Variants in PCDHGA12 observed in about 807,000 individuals in gnomAD.
PCDHGA12 encodes protocadherin gamma-A12.
A neutral mutation model predicts 61.1 loss-of-function variants in PCDHGA12; 43 were observed. That is an observed-to-expected ratio of 0.70 (90% CI 0.55 to 0.91). PCDHGA12 has a LOEUF of 0.91. PCDHGA12 is among the 40% of genes least tolerant of loss of function. The probability of loss-of-function intolerance (pLI) is 0.00; values close to 1 mark genes in which losing one functional copy is unlikely to be tolerated. For synonymous variants in PCDHGA12, 520 were observed against 542.9 expected, an observed-to-expected ratio of 0.96 and a Z score of 0.59; for missense variants, 1,236 against 1,227.7, an observed-to-expected ratio of 1.01 and a Z score of -0.10.
chr5:141,451,408 T>C (rs1244686397), intron 1 of PCDHGA12, among the ~76,000 whole-genome samples: 1 of 152,204 alleles, frequency 6.6e-6, no homozygotes, highest in Non-Finnish European at 1.5e-5. Flanking sequence ...ATTAAGTTCC[T>C]TGTGGATTGT....
At chr5:141,510,335 AC>A (rs1247622083) in intron 3 of PCDHGA12, among the ~76,000 whole-genome samples, 1 of 149,138 alleles carries the variant, frequency 6.7e-6, no homozygotes, top group African/African-American at 2.5e-5. Context: ...CTTCACCCCC[AC>A]CCCACACACT....
At position 141,430,911 on chromosome 5, in the gene PCDHGA12, A is replaced by T. The variant is rs544678317; in HGVS notation, c.152A>T (p.Asp51Val). ...TCTAGGGTGGGCGACATCTCCAGGG[A>T]CCTGGGGCTGGAGCCCCGGGAGCTC... ...KGSRVGDISR[D>V]LGLEPRELAE... The change falls in exon 1 of 4, where the codon GAC (aspartate) becomes GTC (valine). Residue 51 changes from aspartate to valine, a missense_variant. By Grantham distance (152) the Asp-to-Val change is radical. Transcript: ENST00000252085. 4 of 1,607,840 alleles carry T rather than the reference A, an allele frequency of 2.5e-6. No homozygotes were observed. Among genetic ancestry groups the T allele is most frequent in the Non-Finnish European group, 3.4e-6 (4 of 1,177,574 alleles).
At chr5:141,456,723 G>A (rs1005891499) in intron 1 of PCDHGA12, among the ~76,000 whole-genome samples, 3 of 152,196 alleles carry the variant, frequency 2.0e-5, no homozygotes, top group Admixed American at 6.5e-5. Flanking sequence ...CCAGCACTTT[G>A]GGAGGCTGAG....
In PCDHGA12 at chr5:141,490,262, G is replaced by A; in HGVS notation, c.2425-4545G>A. 1.2e-6 allele frequency: 2 copies of A among 1,614,206 alleles called. No homozygotes were observed. Among genetic ancestry groups the A allele is most frequent in the South Asian group, 1.1e-5 (1 of 91,086 alleles). On this transcript the variant is annotated intron_variant, in intron 1 of 3. Transcript: ENST00000252085. The surrounding 1 kb of genome is among the most constrained non-coding windows in gnomAD (Gnocchi z 5.4). ...CACTGTGTGATTCAAGTGGATGTGGGGGATGTCAATGACAATGCCCCAGAG... is the reference window on the plus strand; with the variant it reads ...CACTGTGTGATTCAAGTGGATGTGGAGGATGTCAATGACAATGCCCCAGAG...
intron 1 of PCDHGA12, among the ~76,000 whole-genome samples, chr5:141,436,521 C>T (rs2097829891): frequency 6.6e-6 from 1 of 152,086 alleles, no homozygotes; most frequent in African/African-American, 2.4e-5. Flanking sequence ...AACTGTGTCA[C>T]CTTTAGCAAG....
chr5:141,457,413 A>C (rs939244132), intron 1 of PCDHGA12, among the ~76,000 whole-genome samples: 6 of 152,142 alleles, frequency 3.9e-5, no homozygotes, highest in Non-Finnish European at 5.9e-5. Flanking sequence ...CACATTACCC[A>C]TCCCTTTTTC....
At chr5:141,441,872 G>A (rs1400648028) in intron 1 of PCDHGA12, 4 of 341,526 alleles carry the variant, frequency 1.2e-5, no homozygotes, top group East Asian at 9.4e-5. Context: ...GCGGAGCCTG[G>A]CTACCTGGTC....
Position 141,432,521 on chromosome 5 carries a change from G to C in PCDHGA12, c.1762G>C (p.Val588Leu). ...CCGCTCCGCAGAGCCCGGCTACCTG[G>C]TGACCAAGGTGGTGGCGGTGGACAG... ...APRSAEPGYL[V>L]TKVVAVDRDS... Residue 588 changes from valine (V) to leucine (L), a missense_variant, in exon 1 of 4, where the codon GTG (valine) becomes CTG (leucine). By Grantham distance (32) the Val-to-Leu change is conservative. Transcript: ENST00000252085. The surrounding 1 kb of genome is among the most constrained non-coding windows in gnomAD (Gnocchi z 6.0). 1.2e-6 allele frequency: 2 copies of C among 1,614,112 alleles called. No individual in the cohort carries two copies. The highest frequency in any genetic ancestry group is 1.7e-6 in the Non-Finnish European group (2 of 1,180,028).
At chr5:141,438,610 A>G (rs2098013566) in intron 1 of PCDHGA12, among the ~76,000 whole-genome samples, 1 of 30,060 alleles carries the variant, frequency 3.3e-5, no homozygotes, top group African/African-American at 2.4e-4. Flanking sequence ...ATATATATAT[A>G]TATATATATA....
chr5:141,485,426 C>T lies in PCDHGA12; in HGVS notation c.2425-9381C>T. 6.2e-7 allele frequency: 1 copy of T among 1,614,158 alleles called. No individual in the cohort carries two copies. Among genetic ancestry groups the T allele is most frequent in the South Asian group, 1.1e-5 (1 of 91,078 alleles). ...TGTGGATTTGGACAGCGGAGCCCTGCTCATCAAGAACCCAATCGACCGAGA... is the reference window on the plus strand; with the variant it reads ...TGTGGATTTGGACAGCGGAGCCCTGTTCATCAAGAACCCAATCGACCGAGA... On this transcript the variant is annotated intron_variant, in intron 1 of 3. Transcript: ENST00000252085. The surrounding 1 kb of genome is among the most constrained non-coding windows in gnomAD (Gnocchi z 5.7).
intron 1 of PCDHGA12, among the ~76,000 whole-genome samples, chr5:141,447,405 T>C (rs1045202682): frequency 6.6e-6 from 1 of 152,068 alleles, no homozygotes; most frequent in Non-Finnish European, 1.5e-5. Context: ...CCCAAAGTGC[T>C]GGGATTACAG....
In PCDHGA12 at chr5:141,477,101, G is replaced by A. The variant is rs770640663; in HGVS notation, c.2425-17706G>A. On this transcript the variant is annotated intron_variant, in intron 1 of 3. Transcript: ENST00000252085. The surrounding 1 kb of genome is among the most constrained non-coding windows in gnomAD (Gnocchi z 4.9). ...TTACATCCAGGCCAAAGACAAGGGC[G>A]CCAATCCCGAAGGAGCACATTGCAA... 2 of 1,614,262 alleles carry A rather than the reference G, an allele frequency of 1.2e-6. No individual in the cohort carries two copies. Among genetic ancestry groups the A allele is most frequent in the East Asian group, 2.2e-5 (1 of 44,884 alleles).
At chr5:141,461,979 A>C (rs1420971777) in intron 1 of PCDHGA12, among the ~76,000 whole-genome samples, 1 of 152,144 alleles carries the variant, frequency 6.6e-6, no homozygotes, top group Non-Finnish European at 1.5e-5. Context: ...ATATGCCACC[A>C]CGCCAGGCTA....
intron 2 of PCDHGA12, among the ~76,000 whole-genome samples, chr5:141,502,170 G>A (rs1165631931): frequency 6.6e-6 from 1 of 152,128 alleles, no homozygotes; most frequent in Admixed American, 6.5e-5. Context: ...TTCAGTTGAG[G>A]AATTTAACAT....
At chr5:141,504,240 G>A (rs1275204117) in intron 2 of PCDHGA12, among the ~76,000 whole-genome samples, 1 of 152,182 alleles carries the variant, frequency 6.6e-6, no homozygotes, top group Non-Finnish European at 1.5e-5. Context: ...AAGAAGCAGA[G>A]AGTTCTTCTT....
Position 141,477,114 on chromosome 5 carries a change from G to C in PCDHGA12, c.2425-17693G>C. ...AAAGACAAGGGCGCCAATCCCGAAG[G>C]AGCACATTGCAAAGTGTTGGTGGAG... is the stretch of plus-strand genomic sequence containing the variant. On this transcript the variant is annotated intron_variant, in intron 1 of 3. Coordinates refer to ENST00000252085, the MANE Select transcript of PCDHGA12 (RefSeq NM_003735.3). This position sits in a 1 kb window ranked among gnomAD's most constrained non-coding sequence, Gnocchi z 4.9. 4.3e-6 allele frequency: 7 copies of C among 1,614,234 alleles called. No homozygotes were observed. Among genetic ancestry groups the C allele is most frequent in the Non-Finnish European group, 5.9e-6 (7 of 1,180,046 alleles).
At chr5:141,506,103 C>T (rs1001709380) in intron 3 of PCDHGA12, among the ~76,000 whole-genome samples, 2 of 152,144 alleles carry the variant, frequency 1.3e-5, no homozygotes, top group Admixed American at 1.3e-4. Context: ...GTGGTTGTCC[C>T]TGAAGAGTCA....
rs1231591874 is a variant in PCDHGA12 at position 141,431,615 on chromosome 5, G to T, written c.856G>T (p.Asp286Tyr). The T allele has an allele frequency of 3.1e-6, 5 of 1,614,118 alleles. No homozygotes were observed. Among genetic ancestry groups the T allele is most frequent in the African/African-American group, 2.7e-5 (2 of 74,950 alleles). The change falls in exon 1 of 4, where the codon GAC (aspartate) becomes TAC (tyrosine). Residue 286 changes from aspartate (D) to tyrosine (Y), a missense_variant. Transcript: ENST00000252085. The surrounding 1 kb of genome is among the most constrained non-coding windows in gnomAD (Gnocchi z 4.8). ...EVRYSFRYVDDKAAQVFKLDC... is the reference protein window; with the variant it reads ...EVRYSFRYVDYKAAQVFKLDC... Reference sequence around the variant, plus strand: ...GAGGTATTCCTTCCGGTATGTGGACGACAAGGCGGCCCAAGTTTTCAAACT... The same window carrying T: ...GAGGTATTCCTTCCGGTATGTGGACTACAAGGCGGCCCAAGTTTTCAAACT...
In PCDHGA12 at chr5:141,476,238, G is replaced by A; in HGVS notation, c.2425-18569G>A. The A allele has an allele frequency of 1.2e-6, 2 of 1,614,098 alleles. No individual in the cohort carries two copies. ...ATTCACTATGAGATCCCGGAGGAAAGAGAGAAGGGTTTCGCTGTGGGCAAC... is the reference window on the plus strand; with the variant it reads ...ATTCACTATGAGATCCCGGAGGAAAAAGAGAAGGGTTTCGCTGTGGGCAAC... On this transcript the variant is annotated intron_variant, in intron 1 of 3. Coordinates refer to ENST00000252085, the MANE Select transcript of PCDHGA12 (RefSeq NM_003735.3). The surrounding 1 kb of genome is among the most constrained non-coding windows in gnomAD (Gnocchi z 7.6).
Sources: allele counts gnomAD v4.1 joint callset (sites outside exome capture counted in the v4.1 genomes callset), GRCh38; gene constraint gnomAD v4.1.1; non-coding constraint Gnocchi (gnomAD v3.1); transcripts MANE v1.5; gene names NCBI Gene and HGNC (gene_info 2026-07-23, HGNC 2026-07-21).